Variants in CNTN4 observed in about 807,000 individuals in gnomAD.
The protein encoded by CNTN4 is contactin-4.
CNTN4 carries 77 observed loss-of-function variants against 122.5 expected under a neutral mutation model. The ratio of observed to expected loss-of-function variants is 0.63; its 90% CI spans 0.52 to 0.76. The LOEUF (loss-of-function observed/expected upper bound fraction) is 0.76. CNTN4 is among the 30% of genes least tolerant of loss of function. The pLI is 0.00. For synonymous variants in CNTN4, 512 were observed against 447.0 expected, an observed-to-expected ratio of 1.15 and a Z score of -1.83; for missense variants, 1,256 against 1,259.1, an observed-to-expected ratio of 1.00 and a Z score of 0.04.
intron 6 of CNTN4, among the ~76,000 whole-genome samples, chr3:2,806,024 C>G (rs1294173243): frequency 6.6e-6 from 1 of 152,142 alleles, no homozygotes; most frequent in Non-Finnish European, 1.5e-5. Flanking sequence ...GCCTCAGCCT[C>G]CCGAGTAGCT....
chr3:2,277,455 G>A (rs1159956825), intron 2 of CNTN4, among the ~76,000 whole-genome samples: 1 of 152,020 alleles, frequency 6.6e-6, no homozygotes, highest in Non-Finnish European at 1.5e-5. Flanking sequence ...AATACAAAAA[G>A]GAATGCAGTT....
chr3:2,196,501 C>T (rs1265049962), intron 2 of CNTN4, among the ~76,000 whole-genome samples: 3 of 152,060 alleles, frequency 2.0e-5, no homozygotes, highest in Non-Finnish European at 4.4e-5. Context: ...ACGGCCAATA[C>T]AGAAAGTATT....
At chr3:2,544,195 G>C (rs760031276) in intron 3 of CNTN4, among the ~76,000 whole-genome samples, 6 of 152,064 alleles carry the variant, frequency 3.9e-5, no homozygotes, top group Non-Finnish European at 8.8e-5. Context: ...GACAGCGAGT[G>C]GTGCCTTTAT....
At chr3:2,469,813 A>G (rs750987931) in intron 3 of CNTN4, among the ~76,000 whole-genome samples, 3 of 152,044 alleles carry the variant, frequency 2.0e-5, no homozygotes, top group Non-Finnish European at 2.9e-5. Context: ...ATTAGAATCT[A>G]CTCCCTAAGG....
At chr3:2,101,511 C>G (rs1324425153) in intron 2 of CNTN4, among the ~76,000 whole-genome samples, 2 of 152,052 alleles carry the variant, frequency 1.3e-5, no homozygotes, top group Non-Finnish European at 1.5e-5. Context: ...TTGAATAAGT[C>G]TATTTCATAT....
chr3:2,824,910 A>T (rs909528827), intron 7 of CNTN4, among the ~76,000 whole-genome samples: 3 of 152,138 alleles, frequency 2.0e-5, no homozygotes, highest in African/African-American at 7.2e-5. Flanking sequence ...TGATCTGCCT[A>T]CCTTGGCCTC....
chr3:2,834,078 A>G (rs371382938), intron 7 of CNTN4, among the ~76,000 whole-genome samples: 2 of 152,044 alleles, frequency 1.3e-5, no homozygotes, highest in East Asian at 3.9e-4. Context: ...CACGGGAGGC[A>G]GAGGTTGCAG....
At chr3:2,939,875 G>C (rs929602506) in intron 13 of CNTN4, among the ~76,000 whole-genome samples, 3 of 152,218 alleles carry the variant, frequency 2.0e-5, no homozygotes, top group Admixed American at 6.5e-5. Flanking sequence ...TCCATTCCCA[G>C]CTCTCTGTTC....
intron 6 of CNTN4, among the ~76,000 whole-genome samples, chr3:2,749,210 C>T (rs2089964067): frequency 6.6e-6 from 1 of 152,122 alleles, no homozygotes; most frequent in South Asian, 2.1e-4. Flanking sequence ...GTCGCCCTAG[C>T]TGGAGTGCAG....
At chr3:2,530,957 T>A (rs943704492) in intron 3 of CNTN4, among the ~76,000 whole-genome samples, 2 of 152,228 alleles carry the variant, frequency 1.3e-5, no homozygotes, top group Non-Finnish European at 2.9e-5. Flanking sequence ...TTACCTTGTT[T>A]ATTCAGTTGT....
chr3:2,785,904 C>CCA (rs1236029428), intron 6 of CNTN4, among the ~76,000 whole-genome samples: 1 of 130,804 alleles, frequency 7.6e-6, no homozygotes, highest in African/African-American at 2.7e-5. Context: ...TGCCCCCCCC[C>CCA]GCCCCCCCAT....
intron 4 of CNTN4, among the ~76,000 whole-genome samples, chr3:2,671,106 G>A (rs371584207): frequency 5.9e-5 from 9 of 152,064 alleles, no homozygotes; most frequent in Admixed American, 1.3e-4. Context: ...TCTTTGTGGC[G>A]TTCTCTGTAT....
At chr3:2,667,226 A>G (rs1391099882) in intron 4 of CNTN4, among the ~76,000 whole-genome samples, 1 of 152,042 alleles carries the variant, frequency 6.6e-6, no homozygotes, top group Non-Finnish European at 1.5e-5. Flanking sequence ...AAGTGTTCCT[A>G]TTTCTCCACA....
At chr3:2,822,047 G>C (rs1470154923) in intron 7 of CNTN4, among the ~76,000 whole-genome samples, 2 of 152,220 alleles carry the variant, frequency 1.3e-5, no homozygotes, top group Non-Finnish European at 2.9e-5. Context: ...CGAAGGAGAG[G>C]TGGGAGAGGT....
chr3:2,784,447 A>G (rs62232882), intron 6 of CNTN4, among the ~76,000 whole-genome samples: 6,797 of 152,282 alleles, frequency 0.045, 230 homozygotes, highest in Non-Finnish European at 0.071. Flanking sequence ...AGATGAGGAA[A>G]CTGAGTTTTA....
intron 2 of CNTN4, among the ~76,000 whole-genome samples, chr3:2,173,097 T>G (rs1183858864): frequency 6.6e-6 from 1 of 152,188 alleles, no homozygotes; most frequent in Non-Finnish European, 1.5e-5. Context: ...ATTGGAAGGA[T>G]GGTTAAAAAT....
At chr3:2,786,813 G>A (rs997872139) in intron 6 of CNTN4, among the ~76,000 whole-genome samples, 1 of 152,040 alleles carries the variant, frequency 6.6e-6, no homozygotes, top group Admixed American at 6.6e-5. Context: ...CAATTGAATG[G>A]TATAGTGACC....
chr3:2,560,845 C>G (rs1057117262), intron 3 of CNTN4, among the ~76,000 whole-genome samples: 2 of 152,176 alleles, frequency 1.3e-5, no homozygotes, highest in African/African-American at 4.8e-5. Context: ...TGTTCAGTCA[C>G]TAATTTGTAA....
chr3:2,846,235 G>C (rs2093453786), intron 7 of CNTN4, among the ~76,000 whole-genome samples: 1 of 152,136 alleles, frequency 6.6e-6, no homozygotes, highest in South Asian at 2.1e-4. Flanking sequence ...CATGTTGTGG[G>C]AGAAACCTGG....
Sources: gnomAD v4.1 joint callset for allele counts (sites outside exome capture counted in the v4.1 genomes callset) on GRCh38, gnomAD v4.1.1 for gene constraint, MANE v1.5 for transcripts, NCBI Gene and HGNC (gene_info 2026-07-23, HGNC 2026-07-21) for gene names.